The following LTBP1 variants were observed in gnomAD, a reference collection of about 807,000 sequenced individuals.
LTBP1 encodes latent-transforming growth factor beta-binding protein 1.
LTBP1 carries 129 observed loss-of-function variants against 207.6 expected under a neutral mutation model. The ratio of observed to expected loss-of-function variants is 0.62; its 90% CI spans 0.54 to 0.72. LTBP1 has a LOEUF of 0.72. Ranked by LOEUF, LTBP1 falls within the 30% of genes least tolerant of loss-of-function variation. LTBP1 has a pLI of 0.00. For missense variants in LTBP1, 2,281 were observed against 2,217.2 expected, an observed-to-expected ratio of 1.03 and a Z score of -0.58; for synonymous variants, 963 against 833.7, an observed-to-expected ratio of 1.16 and a Z score of -2.67.
chr2:33,352,293 G>T (rs1224440582), intron 26 of LTBP1, among the ~76,000 whole-genome samples: 1 of 151,832 alleles, frequency 6.6e-6, no homozygotes. Flanking sequence ...CACCACGCCC[G>T]GCTAATTTTT....
chr2:33,049,786 A>G (rs767913290), intron 3 of LTBP1, among the ~76,000 whole-genome samples: 1 of 152,178 alleles, frequency 6.6e-6, no homozygotes, highest in Non-Finnish European at 1.5e-5. Flanking sequence ...CCTGGTATAG[A>G]ACATGCATAT....
At chr2:32,993,998 G>A (rs1011445247) in intron 2 of LTBP1, among the ~76,000 whole-genome samples, 4 of 151,842 alleles carry the variant, frequency 2.6e-5, no homozygotes, top group African/African-American at 9.7e-5. Context: ...GTGTGTGTGT[G>A]TGTGTGTGTG....
intron 2 of LTBP1, among the ~76,000 whole-genome samples, chr2:32,985,731 A>G (rs1683456690): frequency 6.6e-6 from 1 of 152,188 alleles, no homozygotes; most frequent in Admixed American, 6.5e-5. Context: ...ACATGTCAAC[A>G]TGGAAGATGT....
At chr2:33,048,000 C>G (rs147200799) in intron 3 of LTBP1, among the ~76,000 whole-genome samples, 5 of 152,076 alleles carry the variant, frequency 3.3e-5, no homozygotes, top group African/African-American at 1.2e-4. Context: ...TATTTTGAGC[C>G]TATGTGTGTC....
At chr2:33,337,546 T>C (rs548432402) in intron 24 of LTBP1, among the ~76,000 whole-genome samples, 1 of 152,372 alleles carries the variant, frequency 6.6e-6, no homozygotes, top group East Asian at 1.9e-4. Flanking sequence ...CCTTCTTCAG[T>C]AAAGTGTAAA....
intron 3 of LTBP1, among the ~76,000 whole-genome samples, chr2:33,043,417 C>T (rs1255094036): frequency 6.6e-6 from 1 of 151,898 alleles, no homozygotes; most frequent in African/African-American, 2.4e-5. Context: ...TAATAAAAAC[C>T]AAAATTTATA....
intron 2 of LTBP1, among the ~76,000 whole-genome samples, chr2:32,965,918 C>A (rs1679935373): frequency 6.6e-6 from 1 of 152,174 alleles, no homozygotes; most frequent in Non-Finnish European, 1.5e-5. Context: ...CTGTCTTCCA[C>A]AATGGTTATA....
At position 33,252,644 on chromosome 2, in the gene LTBP1, C is replaced by T. The variant is rs371707153; in HGVS notation, c.2000-33C>T. ...GAAAGCCAATGTAGTTTTGGTTTCT[C>T]ATGTAATGTCGGGCTTTATCTCTCT... On this transcript the variant is annotated intron_variant, in intron 10 of 33. Transcript: ENST00000404816. The T allele has an allele frequency of 1.8e-5, 29 of 1,575,802 alleles. 1 individual carries two copies. Among genetic ancestry groups the T allele is most frequent in the South Asian group, 1.5e-4 (13 of 86,410 alleles).
At chr2:33,253,875 G>C (rs1265486563) in intron 11 of LTBP1, among the ~76,000 whole-genome samples, 2 of 144,662 alleles carry the variant, frequency 1.4e-5, no homozygotes, top group African/African-American at 5.2e-5. Flanking sequence ...TGTGCCATCT[G>C]ATGCACTTTT....
intron 28 of LTBP1, 28 bp downstream of exon 28, chr2:33,361,543 A>G (rs77815980): frequency 0.043 from 64,882 of 1,510,792 alleles, 1,597 homozygotes; most frequent in Middle Eastern, 0.091. Context: ...ACAAATTTTC[A>G]GCACATTGTG....
intron 18 of LTBP1, among the ~76,000 whole-genome samples, chr2:33,278,716 A>T (rs538830217): frequency 6.6e-6 from 1 of 152,054 alleles, no homozygotes; most frequent in African/African-American, 2.4e-5. Context: ...TTGTAGTTCT[A>T]TTTTTTTGAA....
chr2:33,325,307 A>G (rs1278101426), intron 24 of LTBP1, among the ~76,000 whole-genome samples: 1 of 152,198 alleles, frequency 6.6e-6, no homozygotes, highest in African/African-American at 2.4e-5. Context: ...TGAATATAGA[A>G]AGAGAAAAAT....
chr2:32,969,226 AATTTGT>A (rs1249600163), intron 2 of LTBP1, among the ~76,000 whole-genome samples: 8 of 86,226 alleles, frequency 9.3e-5, no homozygotes, highest in African/African-American at 3.8e-4. Flanking sequence ...GCACCTGGCC[AATTTGT>A]GTGTGTGTGT....
intron 20 of LTBP1, among the ~76,000 whole-genome samples, chr2:33,297,940 C>A (rs1489626701): frequency 1.3e-5 from 2 of 152,168 alleles, no homozygotes; most frequent in Non-Finnish European, 2.9e-5. Flanking sequence ...AATCCTGTAG[C>A]TTTTCCCCAC....
intron 7 of LTBP1, among the ~76,000 whole-genome samples, chr2:33,207,061 CAT>C (rs2089939536): frequency 6.6e-6 from 1 of 152,168 alleles, no homozygotes. Context: ...GCAAAACACA[CAT>C]ATCACAGCCT....
At chr2:33,104,698 C>T (rs1400762297) in intron 3 of LTBP1, among the ~76,000 whole-genome samples, 1 of 152,090 alleles carries the variant, frequency 6.6e-6, no homozygotes, top group Admixed American at 6.6e-5. Context: ...GTTGTTTTTC[C>T]TGAAACATTT....
rs2091944031 is a variant in LTBP1 at position 33,234,488 on chromosome 2, T to C, written c.1877-9174T>C. Among the ~76,000 whole-genome samples, 4 of 151,984 alleles carry C rather than the reference T, an allele frequency of 2.6e-5. No homozygotes were observed. The South Asian group carries it at 8.3e-4, about 32-fold the overall frequency. ...CCAGTCACAATTGCTACAAAGAGAATAAAATACCTAGGAATACAACTTACA... is the reference window on the plus strand; with the variant it reads ...CCAGTCACAATTGCTACAAAGAGAACAAAATACCTAGGAATACAACTTACA... On this transcript the variant is annotated intron_variant, in intron 9 of 33. Coordinates refer to ENST00000404816, the MANE Select transcript of LTBP1 (RefSeq NM_206943.4).
At chr2:33,034,864 AAGG>A (rs2075846154) in intron 3 of LTBP1, among the ~76,000 whole-genome samples, 1 of 152,222 alleles carries the variant, frequency 6.6e-6, no homozygotes, top group South Asian at 2.1e-4. Flanking sequence ...ATAAAAAAAA[AAGG>A]ATGCAATTTG....
chr2:33,079,392 C>T (rs1407713696), intron 3 of LTBP1, among the ~76,000 whole-genome samples: 2 of 152,210 alleles, frequency 1.3e-5, no homozygotes, highest in South Asian at 2.1e-4. Flanking sequence ...TAAAACAACA[C>T]CAGCAGATGG....
Sources: allele counts gnomAD v4.1 joint callset (sites outside exome capture counted in the v4.1 genomes callset), GRCh38; gene constraint gnomAD v4.1.1; transcripts MANE v1.5; gene names NCBI Gene and HGNC (gene_info 2026-07-23, HGNC 2026-07-21).